ZNF507: variants seen among roughly 807,000 people sequenced by gnomAD.
ZNF507 encodes zinc finger protein 507.
Under a neutral mutation model 80.0 loss-of-function variants are expected in ZNF507, and 29 were observed. The ratio of observed to expected loss-of-function variants is 0.36; its 90% CI spans 0.27 to 0.49. ZNF507 has a LOEUF of 0.49. Among genes scored for constraint, ZNF507 ranks in the 20% least tolerant of loss-of-function variants. The pLI is 0.98. For missense variants in ZNF507, 1,081 were observed against 1,152.2 expected (o/e 0.94, Z 0.90); for synonymous variants, 462 against 422.5 (o/e 1.09, Z -1.15).
At position 32,382,934 on chromosome 19, in the gene ZNF507, G is replaced by C. The variant is rs1208635584; in HGVS notation, c.2713G>C (p.Glu905Gln). 1 of 1,613,978 alleles carries C rather than the reference G, an allele frequency of 6.2e-7. No homozygotes were observed. Residue 905 changes from glutamate (E) to glutamine (Q), a missense_variant, in exon 7 of 7, where the codon GAG becomes CAG. By Grantham distance (29) the Glu-to-Gln change is conservative. Transcript: ENST00000355898. ...CTCCAGTCTGGCCCCTCCTAGCATGGAGTACTGCGTTTTACTCTTCTGCTG... is the reference window on the plus strand; with the variant it reads ...CTCCAGTCTGGCCCCTCCTAGCATGCAGTACTGCGTTTTACTCTTCTGCTG... ...KISSLAPPSMEYCVLLFCCCI... is the reference protein window; with the variant it reads ...KISSLAPPSMQYCVLLFCCCI...
Sources: gnomAD v4.1 joint callset for allele counts on GRCh38, gnomAD v4.1.1 for gene constraint, MANE v1.5 for transcripts, NCBI Gene and HGNC (gene_info 2026-07-23, HGNC 2026-07-21) for gene names.